Variants in RGL1 observed in about 807,000 individuals in gnomAD.
The protein encoded by RGL1 is ral guanine nucleotide dissociation stimulator like 1.
RGL1 carries 24 observed loss-of-function variants against 95.2 expected under a neutral mutation model. The ratio of observed to expected loss-of-function variants is 0.25; its 90% CI spans 0.18 to 0.35. RGL1 has a LOEUF of 0.35. RGL1 is among the 10% of genes least tolerant of loss of function. The probability of loss-of-function intolerance (pLI) is 1.00; values close to 1 mark genes in which losing one functional copy is unlikely to be tolerated. For missense variants in RGL1, 715 were observed against 936.3 expected (o/e 0.76, Z 3.08); for synonymous variants, 329 against 344.9 (o/e 0.95, Z 0.51).
chr1:183,636,771 A>T (rs1053288564), intron 1 of RGL1, among the ~76,000 whole-genome samples: 4 of 152,188 alleles, frequency 2.6e-5, no homozygotes, highest in Non-Finnish European at 4.4e-5. Flanking sequence ...GGCCAGATTT[A>T]AAAAAATATT....
chr1:183,923,440 A>T (rs1453341912), intron 17 of RGL1, among the ~76,000 whole-genome samples: 4 of 152,126 alleles, frequency 2.6e-5, no homozygotes, highest in African/African-American at 9.7e-5. Flanking sequence ...TAACCTTTTG[A>T]TGTAATTATA....
At chr1:183,882,944 A>C (rs2102644407) in intron 5 of RGL1, among the ~76,000 whole-genome samples, 1 of 152,326 alleles carries the variant, frequency 6.6e-6, no homozygotes, top group Non-Finnish European at 1.5e-5. Context: ...TTCCTTGAGA[A>C]CAGGTTTGAC....
chr1:183,747,120 G>C (rs1466230054), intron 2 of RGL1, among the ~76,000 whole-genome samples: 1 of 152,126 alleles, frequency 6.6e-6, no homozygotes, highest in Middle Eastern at 3.2e-3. Context: ...AAACATACAT[G>C]TGCATGTGTC....
intron 1 of RGL1, among the ~76,000 whole-genome samples, chr1:183,718,538 G>T (rs557462209): frequency 6.6e-6 from 1 of 152,312 alleles, no homozygotes; most frequent in Admixed American, 6.5e-5. Flanking sequence ...TGGCATAGTA[G>T]CTTAGAATAT....
chr1:183,893,462 T>C (rs1667532077), intron 9 of RGL1, among the ~76,000 whole-genome samples: 1 of 152,194 alleles, frequency 6.6e-6, no homozygotes, highest in South Asian at 2.1e-4. Context: ...AAAACCAAAG[T>C]ATGCATAACA....
chr1:183,735,145 T>G (rs1656863498), intron 1 of RGL1, among the ~76,000 whole-genome samples: 1 of 152,180 alleles, frequency 6.6e-6, no homozygotes, highest in African/African-American at 2.4e-5. Context: ...GAAGACCAGT[T>G]GGACCAGTCT....
At chr1:183,706,279 G>T (rs1462316220) in intron 1 of RGL1, among the ~76,000 whole-genome samples, 1 of 152,142 alleles carries the variant, frequency 6.6e-6, no homozygotes, top group African/African-American at 2.4e-5. Flanking sequence ...GGGGTTTGGA[G>T]ACTTGTCCAT....
At chr1:183,849,679 C>T (rs1430658222) in intron 3 of RGL1, among the ~76,000 whole-genome samples, 3 of 151,726 alleles carry the variant, frequency 2.0e-5, no homozygotes, top group Non-Finnish European at 4.4e-5. Flanking sequence ...TTTGTAAAGA[C>T]AGGGCTTTAC....
intron 2 of RGL1, among the ~76,000 whole-genome samples, chr1:183,788,985 T>G (rs561908600): frequency 1.3e-5 from 2 of 152,198 alleles, no homozygotes; most frequent in Non-Finnish European, 2.9e-5. Flanking sequence ...ACCTAAGAGA[T>G]TGTTTTCTTT....
intron 2 of RGL1, among the ~76,000 whole-genome samples, chr1:183,752,380 C>T (rs748371410): frequency 1.1e-4 from 17 of 152,056 alleles, no homozygotes; most frequent in Non-Finnish European, 2.2e-4. Flanking sequence ...GTGCACGCCA[C>T]CACGCCCAGC....
rs1666963196 is a variant in RGL1 at position 183,883,864 on chromosome 1, G to A, written c.689G>A (p.Cys230Tyr). 6.2e-7 allele frequency: 1 copy of A among 1,614,024 alleles called. No individual in the cohort carries two copies. The highest frequency in any genetic ancestry group is 1.1e-5 in the South Asian group (1 of 91,086). The change falls in exon 6 of 18, where the codon TGC (cysteine) becomes TAC (tyrosine). Residue 230 changes from cysteine (C) to tyrosine (Y), a missense_variant. Physicochemically the swap from Cys to Tyr is radical, Grantham distance 194. Around this residue, in one of 3 missense-constraint regions of RGL1, gnomAD observed 381 missense variants for 484.8 expected, o/e 0.79. Coordinates refer to ENST00000360851, the MANE Select transcript of RGL1 (RefSeq NM_001297671.3). The part of the protein sequence containing the change: ...LEGGESAEFT[C>Y]FSEDLVAEQL... ...GGTGGAGAGTCAGCAGAATTCACGT[G>A]CTTCTCAGAAGATCTCGTGGCAGAG...
intron 1 of RGL1, among the ~76,000 whole-genome samples, chr1:183,687,450 C>G (rs1490691117): frequency 6.6e-6 from 1 of 152,162 alleles, no homozygotes; most frequent in African/African-American, 2.4e-5. Context: ...AACTGAAAAA[C>G]TTTTATTTAA....
intron 3 of RGL1, among the ~76,000 whole-genome samples, chr1:183,860,321 C>G (rs1392927332): frequency 6.6e-6 from 1 of 152,170 alleles, no homozygotes; most frequent in Non-Finnish European, 1.5e-5. Context: ...TTATTGTCTA[C>G]TTTGTGCAGG....
At chr1:183,776,724 G>A (rs1659624852) in intron 2 of RGL1, among the ~76,000 whole-genome samples, 1 of 152,210 alleles carries the variant, frequency 6.6e-6, no homozygotes, top group Admixed American at 6.5e-5. Flanking sequence ...GGAGCATAGG[G>A]TTCAAGATAG....
At chr1:183,669,982 G>T (rs80166015) in intron 1 of RGL1, among the ~76,000 whole-genome samples, 3 of 152,188 alleles carry the variant, frequency 2.0e-5, no homozygotes. Flanking sequence ...CTCTTATGAC[G>T]TAGGGATTAT....
At chr1:183,796,752 A>C (rs1660722171) in intron 2 of RGL1, among the ~76,000 whole-genome samples, 2 of 151,836 alleles carry the variant, frequency 1.3e-5, no homozygotes, top group Admixed American at 6.6e-5. Flanking sequence ...TTGCCCAGTA[A>C]CTCCTTCCTC....
intron 2 of RGL1, among the ~76,000 whole-genome samples, chr1:183,789,375 G>A (rs766242922): frequency 6.6e-5 from 10 of 152,278 alleles, no homozygotes; most frequent in East Asian, 1.9e-4. Flanking sequence ...GCTCGAACCC[G>A]GGAGGTGGAG....
intron 2 of RGL1, among the ~76,000 whole-genome samples, chr1:183,827,598 G>T (rs965821777): frequency 6.6e-6 from 1 of 152,196 alleles, no homozygotes; most frequent in African/African-American, 2.4e-5. Flanking sequence ...CTGTATTTTC[G>T]ATTAAGGTAT....
Position 183,899,366 on chromosome 1 carries a change from C to T in RGL1, c.1231-784C>T, listed in dbSNP as rs149786882. Reference sequence around the variant, plus strand: ...TGTCACCCCTGTCTCTTCAGGTCTACGACAGTGTTTTCTTGACTGTTTTTT... The same window carrying T: ...TGTCACCCCTGTCTCTTCAGGTCTATGACAGTGTTTTCTTGACTGTTTTTT... On this transcript the variant is annotated intron_variant, in intron 10 of 17. Transcript: ENST00000360851. Among the ~76,000 whole-genome samples the T allele has an allele frequency of 4.2e-3, 637 of 152,326 alleles. 5 individuals are homozygous for T. Among genetic ancestry groups the T allele is most frequent in the African/African-American group, 0.014 (602 of 41,570 alleles).
Sources: allele counts gnomAD v4.1 joint callset (sites outside exome capture counted in the v4.1 genomes callset), GRCh38; gene constraint gnomAD v4.1.1; regional missense constraint gnomAD v4.1.1; transcripts MANE v1.5; gene names NCBI Gene and HGNC (gene_info 2026-07-23, HGNC 2026-07-21).